Variants in TRAPPC9 observed in about 807,000 individuals in gnomAD.
TRAPPC9 encodes the protein IKK2 binding protein.
In TRAPPC9, 83 loss-of-function variants were observed where a neutral mutation model predicts 124.0. The ratio of observed to expected loss-of-function variants is 0.67; its 90% CI spans 0.56 to 0.80. TRAPPC9 has a LOEUF of 0.80. Among genes scored for constraint, TRAPPC9 ranks in the 30% least tolerant of loss-of-function variants. The pLI is 0.00. For missense variants in TRAPPC9, 1,302 were observed against 1,508.3 expected (o/e 0.86, Z 2.27); for synonymous variants, 638 against 617.5 (o/e 1.03, Z -0.49).
intron 15 of TRAPPC9, among the ~76,000 whole-genome samples, chr8:140,268,165 C>T (rs2064748111): frequency 1.3e-5 from 2 of 152,138 alleles, no homozygotes; most frequent in African/African-American, 4.8e-5. Context: ...AATCCACAAC[C>T]AAGTCCTATG....
intron 17 of TRAPPC9, among the ~76,000 whole-genome samples, chr8:140,153,070 G>A (rs552048359): frequency 2.0e-4 from 31 of 151,908 alleles, no homozygotes; most frequent in Non-Finnish European, 4.1e-4. Context: ...TGAGACTTTG[G>A]TTCTGTTTCC....
intron 22 of TRAPPC9, among the ~76,000 whole-genome samples, chr8:139,731,652 T>A (rs1817831257): frequency 6.6e-6 from 1 of 151,984 alleles, no homozygotes; most frequent in Non-Finnish European, 1.5e-5. Flanking sequence ...AGGCACGGGA[T>A]GGGTGACAGT....
intron 4 of TRAPPC9, among the ~76,000 whole-genome samples, 196 bp downstream of exon 4, chr8:140,434,916 G>A (rs993182173): frequency 3.3e-5 from 5 of 151,638 alleles, no homozygotes; most frequent in African/African-American, 1.2e-4. Context: ...GCTGTGGTGA[G>A]CCGAGATTGC....
At chr8:140,200,814 T>A (rs2062770311) in intron 17 of TRAPPC9, among the ~76,000 whole-genome samples, 1 of 152,130 alleles carries the variant, frequency 6.6e-6, no homozygotes, top group Non-Finnish European at 1.5e-5. Context: ...GGATAGAGTT[T>A]AACTCACAGT....
rs981340169 is a variant in TRAPPC9, at chr8:139,729,898, G to A, written c.*1163C>T. On this transcript the variant is annotated 3_prime_UTR_variant, in exon 23 of 23. Transcript: ENST00000438773. ...CGGGCACCTGACGAGCCTGGTATCT[G>A]CTGGGGACCAAGGGCTGTTTATCCT... Among the ~76,000 whole-genome samples, 4 of 152,190 alleles carry A rather than the reference G, an allele frequency of 2.6e-5. No homozygotes were observed. Among genetic ancestry groups the A allele is most frequent in the Non-Finnish European group, 5.9e-5 (4 of 68,028 alleles).
chr8:140,344,990 G>A (rs946616232), intron 9 of TRAPPC9, among the ~76,000 whole-genome samples: 3 of 152,346 alleles, frequency 2.0e-5, no homozygotes, highest in South Asian at 2.1e-4. Flanking sequence ...CCACGACAGC[G>A]TCAAGGTTTC....
rs540467787 is a variant in TRAPPC9, at chr8:140,424,523, C to A, written c.886+2092G>T. 2.5e-3 allele frequency among the ~76,000 whole-genome samples: 384 copies of A among 151,672 alleles called. 2 individuals carry two copies. Among genetic ancestry groups the A allele is most frequent in the Middle Eastern group, 0.01 (3 of 294 alleles). On this transcript the variant is annotated intron_variant, in intron 5 of 22. Transcript: ENST00000438773. ...TGGTGGCACACACCTGTAGTCCCAG[C>A]TACTCCAGAGACTGAGGTGGCAGAA...
At chr8:139,857,057 C>T (rs919925481) in intron 21 of TRAPPC9, among the ~76,000 whole-genome samples, 33 of 70,152 alleles carry the variant, frequency 4.7e-4, no homozygotes, top group Non-Finnish European at 4.9e-4. Context: ...GCGGGGGGAG[C>T]TGGTTCAGAC....
chr8:140,046,723 C>T (rs901682997), intron 17 of TRAPPC9, among the ~76,000 whole-genome samples: 5 of 152,158 alleles, frequency 3.3e-5, no homozygotes, highest in Admixed American at 1.3e-4. Context: ...TTCTTCAATG[C>T]CCCATACCCC....
intron 17 of TRAPPC9, among the ~76,000 whole-genome samples, chr8:140,188,129 A>G (rs1002590836): frequency 5.3e-5 from 8 of 152,242 alleles, no homozygotes; most frequent in African/African-American, 1.9e-4. Flanking sequence ...GGAGAAGGAG[A>G]AGCTAAATGT....
intron 17 of TRAPPC9, among the ~76,000 whole-genome samples, chr8:140,050,249 G>A (rs1209321927): frequency 2.0e-5 from 3 of 152,242 alleles, no homozygotes; most frequent in Non-Finnish European, 4.4e-5. Flanking sequence ...GTCCTTGGCA[G>A]AGGATTCATT....
intron 21 of TRAPPC9, among the ~76,000 whole-genome samples, chr8:139,828,032 C>A (rs146188328): frequency 1.4e-4 from 22 of 152,190 alleles, no homozygotes; most frequent in Non-Finnish European, 2.4e-4. Flanking sequence ...TCCACCCCCA[C>A]GATCCAAACA....
rs1249107913 is a variant in TRAPPC9 at position 140,313,491 on chromosome 8, GCTGTGCCATTTCAT to G, written c.1496-2131_1496-2118del. Among the ~76,000 whole-genome samples, 6 of 152,210 alleles carry G rather than the reference GCTGTGCCATTTCAT, an allele frequency of 3.9e-5. No individual in the cohort carries two copies. In the East Asian group the frequency reaches 1.2e-3, roughly 29 times the overall value. ...GGCTGCTTCACCGCAGCGTGGTCTG[GCTGTGCCATTTCAT>G]TAGAGAACCCCCGTGTTTGTGCTTT... On this transcript the variant is annotated intron_variant, in intron 9 of 22. Transcript: ENST00000438773.
At chr8:139,814,193 CA>C (rs1467556691) in intron 21 of TRAPPC9, among the ~76,000 whole-genome samples, 2 of 152,188 alleles carry the variant, frequency 1.3e-5, no homozygotes, top group African/African-American at 4.8e-5. Flanking sequence ...GGTGGGCGGC[CA>C]GGGGCAGGCT....
rs1586719868 is a variant in TRAPPC9, at chr8:139,731,960, C to T, written c.3279+19G>A. On this transcript the variant is annotated intron_variant, in intron 22 of 22. Transcript: ENST00000438773. ...ACATGGCCAGAGGCTCCCAGACCGC[C>T]TTGCACACCACCACGCACCGCGTCG... The T allele has an allele frequency of 6.4e-7, 1 of 1,557,946 alleles. No homozygotes were observed. The highest frequency in any genetic ancestry group is 8.7e-7 in the Non-Finnish European group (1 of 1,150,214).
rs1184115835 is a variant in TRAPPC9, at chr8:140,212,185, C to T, written c.2556+9274G>A. ...ATGCGGATGGCTGGCCTCAGGCAAG[C>T]GCAGGCCACCTCTCATGGTGAAGGA... is the stretch of plus-strand genomic sequence containing the variant. On this transcript the variant is annotated intron_variant, in intron 17 of 22. Coordinates refer to ENST00000438773, the MANE Select transcript of TRAPPC9 (RefSeq NM_001160372.4). Among the ~76,000 whole-genome samples, 4 of 152,206 alleles carry T rather than the reference C, an allele frequency of 2.6e-5. No individual in the cohort carries two copies. The East Asian group carries it at 7.7e-4, about 29-fold the overall frequency.
chr8:139,879,241 C>A (rs554868123), intron 21 of TRAPPC9, among the ~76,000 whole-genome samples: 43 of 152,174 alleles, frequency 2.8e-4, no homozygotes, highest in Non-Finnish European at 1.3e-4. Flanking sequence ...GGGAACACGG[C>A]AGCCCCAAAG....
intron 5 of TRAPPC9, among the ~76,000 whole-genome samples, chr8:140,423,913 T>TC (rs889553703): frequency 6.6e-6 from 1 of 152,094 alleles, no homozygotes; most frequent in African/African-American, 2.4e-5. Flanking sequence ...ATATGAGATG[T>TC]CCAGAACAGG....
intron 9 of TRAPPC9, among the ~76,000 whole-genome samples, chr8:140,345,811 G>A (rs978554280): frequency 3.3e-5 from 5 of 152,220 alleles, no homozygotes; most frequent in African/African-American, 1.2e-4. Context: ...CAGTCACCAC[G>A]GAAGGGGTCA....
Sources: allele counts gnomAD v4.1 joint callset (sites outside exome capture counted in the v4.1 genomes callset), GRCh38; gene constraint gnomAD v4.1.1; transcripts MANE v1.5; gene names NCBI Gene and HGNC (gene_info 2026-07-23, HGNC 2026-07-21).